The following CNTN6 variants were observed in gnomAD, a reference collection of about 807,000 sequenced individuals.
CNTN6 encodes contactin-6.
A neutral mutation model predicts 122.8 loss-of-function variants in CNTN6; 137 were observed. The observed-to-expected ratio is 1.12, with a 90% confidence interval of 0.97 to 1.29. The LOEUF is 1.29. Ranked by LOEUF, CNTN6 falls within the 50% of genes most tolerant of loss-of-function variation. The pLI is 0.00. For synonymous variants in CNTN6, 570 were observed against 426.0 expected, an observed-to-expected ratio of 1.34 and a Z score of -4.16; for missense variants, 1,634 against 1,223.4, an observed-to-expected ratio of 1.34 and a Z score of -5.01.
intron 20 of CNTN6, among the ~76,000 whole-genome samples, chr3:1,387,177 A>G (rs1693140871): frequency 6.6e-6 from 1 of 152,198 alleles, no homozygotes; most frequent in Non-Finnish European, 1.5e-5. Flanking sequence ...CAAACAAGGT[A>G]CTGATTCTGG....
chr3:1,099,331 G>C (rs1028281987), intron 1 of CNTN6, among the ~76,000 whole-genome samples: 2 of 151,778 alleles, frequency 1.3e-5, no homozygotes, highest in Admixed American at 1.3e-4. Context: ...GGCGCCTGTA[G>C]TCCCAGCTAC....
rs537280122 is a variant in CNTN6, at chr3:1,227,226, C to T, written c.183-592C>T. 1.1e-4 allele frequency among the ~76,000 whole-genome samples: 16 copies of T among 152,230 alleles called. No individual in the cohort carries two copies. In the East Asian group the frequency reaches 2.9e-3, roughly 28 times the overall value. On this transcript the variant is annotated intron_variant, in intron 3 of 22. Transcript: ENST00000446702. ...ATAAAAACCTCTCAAACAGCATTTGCTTTGCTAAAGTATAATTTTAGTTTG... is the reference window on the plus strand; with the variant it reads ...ATAAAAACCTCTCAAACAGCATTTGTTTTGCTAAAGTATAATTTTAGTTTG...
At chr3:1,321,484 G>A (rs1184701549) in intron 7 of CNTN6, among the ~76,000 whole-genome samples, 166 bp from the exon 8 acceptor site, 1 of 151,750 alleles carries the variant, frequency 6.6e-6, no homozygotes, top group East Asian at 1.9e-4. Context: ...TTAAATAAAT[G>A]ACTGATTGAG....
At chr3:1,237,665 C>A (rs2094438218) in intron 4 of CNTN6, among the ~76,000 whole-genome samples, 1 of 152,090 alleles carries the variant, frequency 6.6e-6, no homozygotes, top group Non-Finnish European at 1.5e-5. Flanking sequence ...ATCAGGTAAC[C>A]TATAAAGGAA....
intron 2 of CNTN6, among the ~76,000 whole-genome samples, chr3:1,220,252 C>G (rs1459488946): frequency 6.6e-6 from 1 of 152,082 alleles, no homozygotes; most frequent in Non-Finnish European, 1.5e-5. Context: ...GGGAGGATCA[C>G]TTGAGCCCAG....
intron 1 of CNTN6, among the ~76,000 whole-genome samples, chr3:1,136,119 A>G (rs2092466348): frequency 6.6e-6 from 1 of 152,214 alleles, no homozygotes; most frequent in African/African-American, 2.4e-5. Context: ...TTAATCCCTT[A>G]TGGATATCTT....
rs1553610778 is a variant in CNTN6 at position 1,158,969 on chromosome 3, C to CACAT, written c.55+10907_55+10908insCATA. 1.8e-3 allele frequency among the ~76,000 whole-genome samples: 198 copies of CACAT among 112,956 alleles called. 21 individuals are homozygous for CACAT. The South Asian group carries it at 0.036, about 20-fold the overall frequency. The allele number at this position is 112,956 out of a possible 152,430, so 74.1% of individuals were successfully genotyped here. On this transcript the variant is annotated intron_variant, in intron 2 of 22. Transcript: ENST00000446702. The stretch of plus-strand genomic sequence containing the variant: ...ATATATATATACACACACACACACA[C>CACAT]ATATATATATATATAGACAAGGTCT...
At chr3:1,231,414 C>A (rs918154868) in intron 4 of CNTN6, among the ~76,000 whole-genome samples, 8 of 152,188 alleles carry the variant, frequency 5.3e-5, no homozygotes, top group African/African-American at 1.7e-4. Flanking sequence ...CAGAATCTAC[C>A]CTGTCCATGG....
At chr3:1,225,218 G>C (rs2094264783) in intron 3 of CNTN6, among the ~76,000 whole-genome samples, 1 of 152,220 alleles carries the variant, frequency 6.6e-6, no homozygotes, top group Admixed American at 6.5e-5. Context: ...ATCATAGGAA[G>C]ACACTTGTCA....
chr3:1,390,636 G>C (rs1406073370), intron 20 of CNTN6, among the ~76,000 whole-genome samples: 1 of 151,828 alleles, frequency 6.6e-6, no homozygotes, highest in African/African-American at 2.4e-5. Context: ...TTTTTTGAAA[G>C]GATCAACAAA....
At chr3:1,358,158 C>T (rs1706887086) in intron 12 of CNTN6, among the ~76,000 whole-genome samples, 1 of 151,798 alleles carries the variant, frequency 6.6e-6, no homozygotes, top group Non-Finnish European at 1.5e-5. Flanking sequence ...CTATCCATCT[C>T]CTATTTTTAT....
At chr3:1,309,712 C>G (rs1698937446) in intron 7 of CNTN6, among the ~76,000 whole-genome samples, 1 of 152,136 alleles carries the variant, frequency 6.6e-6, no homozygotes, top group South Asian at 2.1e-4. Flanking sequence ...ATCTATTGAT[C>G]AAGTTGGGAA....
At position 1,324,932 on chromosome 3, in the gene CNTN6, C is replaced by T. The variant is rs557184522; in HGVS notation, c.947-883C>T. Among the ~76,000 whole-genome samples, 24 of 140,820 alleles carry T rather than the reference C, an allele frequency of 1.7e-4. 3 individuals carry two copies. The highest frequency in any genetic ancestry group is 7.4e-4 in the African/African-American group (23 of 31,180). The allele number at this position is 140,820 out of a possible 152,430, so 92.4% of individuals were successfully genotyped here. On this transcript the variant is annotated intron_variant, in intron 8 of 22. Transcript: ENST00000446702. ...ATTAAGTGCAATTACAAATATAAAG[C>T]ATCTGGCTTGCCACAGCCTGAGAGT... is the stretch of plus-strand genomic sequence containing the variant.
chr3:1,330,955 G>C (rs995848267), intron 11 of CNTN6, among the ~76,000 whole-genome samples: 1 of 151,912 alleles, frequency 6.6e-6, no homozygotes, highest in African/African-American at 2.4e-5. Flanking sequence ...GAGAAAGCTA[G>C]AAGTCTGCAT....
chr3:1,124,613 C>T (rs2092090877), intron 1 of CNTN6, among the ~76,000 whole-genome samples: 1 of 151,786 alleles, frequency 6.6e-6, no homozygotes, highest in African/African-American at 2.4e-5. Context: ...GTGATAGGTG[C>T]TCTAAAATCT....
intron 12 of CNTN6, among the ~76,000 whole-genome samples, chr3:1,369,342 C>G (rs1559939756): frequency 1.3e-5 from 2 of 149,606 alleles, no homozygotes; most frequent in Non-Finnish European, 3.0e-5. Context: ...ACGTTCATCT[C>G]TGTGAAGCAA....
intron 7 of CNTN6, among the ~76,000 whole-genome samples, chr3:1,307,209 G>A (rs1698500539): frequency 6.6e-6 from 1 of 152,128 alleles, no homozygotes; most frequent in Non-Finnish European, 1.5e-5. Flanking sequence ...GAAGAGTCAA[G>A]GATCCTCACT....
At chr3:1,340,410 A>G (rs1296051225) in intron 11 of CNTN6, among the ~76,000 whole-genome samples, 1 of 152,206 alleles carries the variant, frequency 6.6e-6, no homozygotes, top group Non-Finnish European at 1.5e-5. Context: ...ATTTATTCAC[A>G]TCAATACAAA....
At chr3:1,398,416 C>A (rs1695251242) in intron 20 of CNTN6, among the ~76,000 whole-genome samples, 1 of 152,146 alleles carries the variant, frequency 6.6e-6, no homozygotes, top group African/African-American at 2.4e-5. Context: ...CCCATTTTAT[C>A]TCCCTTTCTA....
Sources: gnomAD v4.1 joint callset for allele counts (sites outside exome capture counted in the v4.1 genomes callset) on GRCh38, gnomAD v4.1.1 for gene constraint, MANE v1.5 for transcripts, NCBI Gene and HGNC (gene_info 2026-07-23, HGNC 2026-07-21) for gene names.